TTC28: variants seen among roughly 807,000 people sequenced by gnomAD.
The protein encoded by TTC28 is tetratricopeptide repeat domain 28.
In TTC28, 61 loss-of-function variants were observed where a neutral mutation model predicts 198.0. The observed-to-expected ratio is 0.31, with a 90% confidence interval of 0.25 to 0.38. The LOEUF (loss-of-function observed/expected upper bound fraction) is 0.38. Among genes scored for constraint, TTC28 ranks in the 10% least tolerant of loss-of-function variants. TTC28 has a pLI of 1.00. For missense variants in TTC28, 2,678 were observed against 3,164.0 expected, an observed-to-expected ratio of 0.85 and a Z score of 3.69; for synonymous variants, 1,171 against 1,297.8, an observed-to-expected ratio of 0.90 and a Z score of 2.10.
intron 1 of TTC28, among the ~76,000 whole-genome samples, chr22:28,655,634 C>A (rs945313311): frequency 6.6e-6 from 1 of 152,144 alleles, no homozygotes; most frequent in East Asian, 1.9e-4. Context: ...GAGGCCCAGG[C>A]GGGCGGATCA....
intron 5 of TTC28, among the ~76,000 whole-genome samples, chr22:28,193,878 C>T (rs769346869): frequency 1.3e-4 from 20 of 152,058 alleles, no homozygotes; most frequent in Non-Finnish European, 2.1e-4. Flanking sequence ...GACACATCAA[C>T]GAGACAGAAA....
intron 12 of TTC28, among the ~76,000 whole-genome samples, chr22:28,072,320 T>C (rs1262793286): frequency 6.6e-6 from 1 of 152,144 alleles, no homozygotes; most frequent in African/African-American, 2.4e-5. Flanking sequence ...ACTCATCCAG[T>C]AAACATTCAT....
chr22:28,590,061 A>C (rs367620451), intron 2 of TTC28, among the ~76,000 whole-genome samples: 36 of 142,370 alleles, frequency 2.5e-4, no homozygotes, highest in South Asian at 4.6e-4. Context: ...AAAAAAAAAA[A>C]ACACAGAAAA....
At chr22:28,535,618 T>C (rs1468717845) in intron 2 of TTC28, among the ~76,000 whole-genome samples, 1 of 152,154 alleles carries the variant, frequency 6.6e-6, no homozygotes. Flanking sequence ...TACCAAAATC[T>C]CATGTCAAAT....
intron 2 of TTC28, among the ~76,000 whole-genome samples, chr22:28,510,040 G>C (rs1221823703): frequency 6.6e-6 from 1 of 151,944 alleles, no homozygotes; most frequent in Non-Finnish European, 1.5e-5. Context: ...GAAATAAATA[G>C]CCTACCAACC....
rs961188709 is a variant in TTC28, at chr22:28,422,615, A to AT, written c.382-115973dup. ...CACCACGCCTGGCTAATTTTTTGTA[A>AT]TTTTTTTTTTTAGTAGAGATGGGGT... On this transcript the variant is annotated intron_variant, in intron 2 of 22. Transcript: ENST00000397906. Among the ~76,000 whole-genome samples, 306 of 144,488 alleles carry AT rather than the reference A, an allele frequency of 2.1e-3. 2 individuals carry two copies. Among genetic ancestry groups the AT allele is most frequent in the Middle Eastern group, 0.018 (5 of 280 alleles). The allele number at this position is 144,488 out of a possible 152,430, so 94.8% of individuals were successfully genotyped here.
At chr22:28,555,778 G>A (rs924940428) in intron 2 of TTC28, among the ~76,000 whole-genome samples, 1 of 151,984 alleles carries the variant, frequency 6.6e-6, no homozygotes, top group African/African-American at 2.4e-5. Flanking sequence ...CTCAGAAATC[G>A]CCACTAAAGT....
intron 2 of TTC28, among the ~76,000 whole-genome samples, chr22:28,593,146 C>T (rs2050464454): frequency 6.6e-6 from 1 of 152,046 alleles, no homozygotes. Context: ...AGAAGCTTTC[C>T]CAGAGATGCT....
intron 14 of TTC28, among the ~76,000 whole-genome samples, chr22:28,010,717 A>C (rs911060528): frequency 6.6e-6 from 1 of 152,114 alleles, no homozygotes; most frequent in African/African-American, 2.4e-5. Flanking sequence ...CACTAGATTC[A>C]AAGCTCCTCG....
intron 6 of TTC28, among the ~76,000 whole-genome samples, chr22:28,126,310 T>C (rs1942912239): frequency 1.3e-5 from 2 of 152,230 alleles, no homozygotes; most frequent in African/African-American, 4.8e-5. Flanking sequence ...TGGCTGGGGT[T>C]GGCCACGGAG....
chr22:28,241,234 ATGGAAAACGAGGATC>A (rs1477189257), intron 5 of TTC28, among the ~76,000 whole-genome samples: 1 of 152,142 alleles, frequency 6.6e-6, no homozygotes, highest in Non-Finnish European at 1.5e-5. Flanking sequence ...TGCCCCCAAA[ATGGAAAACGAGGATC>A]TAATCATGAA....
intron 2 of TTC28, among the ~76,000 whole-genome samples, chr22:28,355,772 A>C (rs1178001854): frequency 1.3e-5 from 2 of 152,232 alleles, no homozygotes; most frequent in Non-Finnish European, 2.9e-5. Context: ...AGTATTCAAA[A>C]GCCCAACAGA....
chr22:28,320,651 T>C (rs2145846978), intron 2 of TTC28, among the ~76,000 whole-genome samples: 1 of 152,332 alleles, frequency 6.6e-6, no homozygotes, highest in African/African-American at 2.4e-5. Flanking sequence ...GAGTAGCTGA[T>C]ACATGAAACA....
intron 12 of TTC28, among the ~76,000 whole-genome samples, chr22:28,060,837 C>T (rs1907018181): frequency 6.6e-6 from 1 of 152,060 alleles, no homozygotes; most frequent in South Asian, 2.1e-4. Context: ...AGTACACCAA[C>T]AGTGTAAAAG....
Position 28,518,582 on chromosome 22 carries a change from T to C in TTC28, c.381+110970A>G, listed in dbSNP as rs773871250. On this transcript the variant is annotated intron_variant, in intron 2 of 22. Coordinates refer to ENST00000397906, the MANE Select transcript of TTC28 (RefSeq NM_001145418.2). Reference sequence around the variant, plus strand: ...TATGATTCACCACTGCACTACAGCCTACGTGACAGAGTAAGACCCTGTCTC... The same window carrying C: ...TATGATTCACCACTGCACTACAGCCCACGTGACAGAGTAAGACCCTGTCTC... Among the ~76,000 whole-genome samples the C allele has an allele frequency of 3.3e-5, 5 of 152,302 alleles. No homozygotes were observed. In the East Asian group the frequency reaches 9.6e-4, roughly 29 times the overall value.
intron 2 of TTC28, among the ~76,000 whole-genome samples, chr22:28,329,410 T>G (rs2145869985): frequency 6.6e-6 from 1 of 152,280 alleles, no homozygotes; most frequent in South Asian, 2.1e-4. Flanking sequence ...TGTTCAGTAA[T>G]TACATTATCA....
At chr22:28,565,300 C>A (rs2049952204) in intron 2 of TTC28, among the ~76,000 whole-genome samples, 1 of 151,834 alleles carries the variant, frequency 6.6e-6, no homozygotes, top group South Asian at 2.1e-4. Context: ...CAAAATGTAC[C>A]AAAGAGGCTA....
chr22:28,558,773 G>A (rs569593508), intron 2 of TTC28, among the ~76,000 whole-genome samples: 12 of 152,290 alleles, frequency 7.9e-5, no homozygotes, highest in South Asian at 2.1e-4. Flanking sequence ...GCTCATGCCT[G>A]TAATCCCAGC....
intron 2 of TTC28, among the ~76,000 whole-genome samples, chr22:28,418,235 T>C (rs2047195463): frequency 6.6e-6 from 1 of 152,178 alleles, no homozygotes; most frequent in Non-Finnish European, 1.5e-5. Flanking sequence ...GAATGTACCC[T>C]AAAGCCACTG....
Sources: gnomAD v4.1 joint callset for allele counts (sites outside exome capture counted in the v4.1 genomes callset) on GRCh38, gnomAD v4.1.1 for gene constraint, MANE v1.5 for transcripts, NCBI Gene and HGNC (gene_info 2026-07-23, HGNC 2026-07-21) for gene names.